The following DNM2 variants were observed in gnomAD, a reference collection of about 807,000 sequenced individuals.
DNM2 encodes dynamin-2.
A neutral mutation model predicts 99.0 loss-of-function variants in DNM2; 15 were observed. The observed-to-expected ratio is 0.15, with a 90% CI of 0.10 to 0.23. The LOEUF is 0.23. DNM2 is among the 10% of genes least tolerant of loss of function. DNM2 has a pLI of 1.00. For synonymous variants in DNM2, 525 were observed against 481.2 expected (o/e 1.09, Z -1.19); for missense variants, 742 against 1,189.4 (o/e 0.62, Z 5.53).
At chr19:10,786,810 A>G in intron 7 of DNM2, 104 bp downstream of exon 7, 1 of 1,565,642 alleles carries the variant, frequency 6.4e-7, no homozygotes, top group South Asian at 1.2e-5. Context: ...CCACTCATTG[A>G]TTCAGCAGAC....
In DNM2 at chr19:10,796,773, G is replaced by T. The variant is rs2071949530; in HGVS notation, c.1197-607G>T. On this transcript the variant is annotated intron_variant, in intron 9 of 20. Transcript: ENST00000389253. This position sits in a 1 kb window ranked among gnomAD's most constrained non-coding sequence, Gnocchi z 5.6. ...ATTTTTGGATCCACTTAGTCACAGT[G>T]CCTCTATGCGCTCTCGACGAGCCAC... is the stretch of plus-strand genomic sequence containing the variant. Among the ~76,000 whole-genome samples the T allele has an allele frequency of 6.6e-6, 1 of 152,106 alleles. No homozygotes were observed. Among genetic ancestry groups the T allele is most frequent in the African/African-American group, 2.4e-5 (1 of 41,416 alleles).
chr19:10,781,128 TGTA>T (rs1361093719), intron 5 of DNM2, among the ~76,000 whole-genome samples: 1 of 151,950 alleles, frequency 6.6e-6, no homozygotes, highest in African/African-American at 2.4e-5. Context: ...AGTTCAAAGC[TGTA>T]GTAAGCTATG....
Position 10,831,663 on chromosome 19 carries a change from C to T in DNM2, c.*616C>T. 1.0e-6 allele frequency: 1 copy of T among 986,326 alleles called. No individual in the cohort carries two copies. The highest frequency in any genetic ancestry group is 1.2e-6 in the Non-Finnish European group (1 of 830,334). 61.1% of individuals were successfully genotyped at this position (986,326 alleles called of 1,614,324 possible). Reference sequence around the variant, plus strand: ...GCCGTTGGCCCGGGCCGGCCTTGCCCTATTCCTCTCCTCCTCCTCCTCCTG... The same window carrying T: ...GCCGTTGGCCCGGGCCGGCCTTGCCTTATTCCTCTCCTCCTCCTCCTCCTG... On this transcript the variant is annotated 3_prime_UTR_variant, in exon 21 of 21. Coordinates refer to ENST00000389253, the MANE Select transcript of DNM2 (RefSeq NM_001005361.3). The surrounding 1 kb of genome is among the most constrained non-coding windows in gnomAD (Gnocchi z 4.3).
intron 7 of DNM2, among the ~76,000 whole-genome samples, chr19:10,789,700 G>C (rs945308922): frequency 6.6e-6 from 1 of 152,056 alleles, no homozygotes; most frequent in African/African-American, 2.4e-5. Flanking sequence ...CAGGTGTGGT[G>C]GTGGGCACCT....
intron 2 of DNM2, chr19:10,763,625 C>G (rs1228119212): frequency 6.6e-6 from 1 of 152,534 alleles, no homozygotes; most frequent in African/African-American, 2.4e-5. Flanking sequence ...CTGTGAGTGT[C>G]TGTTGGATTC....
intron 2 of DNM2, among the ~76,000 whole-genome samples, chr19:10,769,639 G>T (rs910337981): frequency 6.6e-6 from 1 of 152,120 alleles, no homozygotes; most frequent in Admixed American, 6.6e-5. Flanking sequence ...GGGGTTGGGA[G>T]CTGTTCCATT....
intron 2 of DNM2, among the ~76,000 whole-genome samples, chr19:10,770,989 C>CA (rs1284481951): frequency 1.3e-5 from 2 of 152,166 alleles, no homozygotes; most frequent in Non-Finnish European, 2.9e-5. Flanking sequence ...GACGGGGTCT[C>CA]ACTGTGTCAC....
chr19:10,797,118 C>CTA (rs2071963066), intron 9 of DNM2, among the ~76,000 whole-genome samples: 1 of 152,056 alleles, frequency 6.6e-6, no homozygotes, highest in South Asian at 2.1e-4. Flanking sequence ...GAGGACTCCG[C>CTA]ACACCTTGGC....
chr19:10,720,092 G>C (rs78435393), intron 1 of DNM2, among the ~76,000 whole-genome samples: 5 of 150,022 alleles, frequency 3.3e-5, no homozygotes, highest in African/African-American at 1.2e-4. Flanking sequence ...TGGGACGGGG[G>C]TGGGGGGTGT....
chr19:10,721,829 G>C (rs758260597), intron 1 of DNM2, among the ~76,000 whole-genome samples: 3 of 152,176 alleles, frequency 2.0e-5, no homozygotes, highest in Non-Finnish European at 4.4e-5. Context: ...TGTTTTACCT[G>C]CGTAGCTTTT....
At position 10,818,077 on chromosome 19, in the gene DNM2, T is replaced by C. The variant is rs1274349058; in HGVS notation, c.1672-1903T>C. 2.0e-5 allele frequency among the ~76,000 whole-genome samples: 3 copies of C among 147,862 alleles called. No homozygotes were observed. Among genetic ancestry groups the C allele is most frequent in the Non-Finnish European group, 3.0e-5 (2 of 67,008 alleles). On this transcript the variant is annotated intron_variant, in intron 15 of 20. Coordinates refer to ENST00000389253, the MANE Select transcript of DNM2 (RefSeq NM_001005361.3). This position sits in a 1 kb window ranked among gnomAD's most constrained non-coding sequence, Gnocchi z 4.3. ...TAGCCCCTTCTAAAGCCCCCAAAAC[T>C]CTTCCCCGAAAGGTGGGAGGGACCC...
At chr19:10,784,540 G>C (rs141157063) in intron 6 of DNM2, among the ~76,000 whole-genome samples, 135 of 152,248 alleles carry the variant, frequency 8.9e-4, no homozygotes, top group African/African-American at 3.1e-3. Context: ...CCTTCCACGT[G>C]GGGTGCTTCC....
At chr19:10,733,192 T>TG (rs1491293655) in intron 1 of DNM2, among the ~76,000 whole-genome samples, 126 of 10,602 alleles carry the variant, frequency 0.012, no homozygotes, top group African/African-American at 0.1. Flanking sequence ...GCTGGTGTGG[T>TG]TTTTTTTTTT....
intron 5 of DNM2, among the ~76,000 whole-genome samples, chr19:10,779,342 C>G (rs1285424359): frequency 6.6e-6 from 1 of 151,808 alleles, no homozygotes; most frequent in Non-Finnish European, 1.5e-5. Context: ...ACATCTGTAA[C>G]CTCTCCCACT....
chr19:10,719,946 T>C (rs1370336249), intron 1 of DNM2, among the ~76,000 whole-genome samples: 1 of 152,194 alleles, frequency 6.6e-6, no homozygotes, highest in African/African-American at 2.4e-5. Flanking sequence ...TTTTGCTACC[T>C]TGTCTCTAGC....
At chr19:10,770,642 G>GTT (rs2070943095) in intron 2 of DNM2, among the ~76,000 whole-genome samples, 1 of 152,222 alleles carries the variant, frequency 6.6e-6, no homozygotes, top group Non-Finnish European at 1.5e-5. Context: ...GGCTGGGGAA[G>GTT]CCCCACAATC....
At chr19:10,749,116 G>C (rs925101279) in intron 1 of DNM2, among the ~76,000 whole-genome samples, 1 of 152,184 alleles carries the variant, frequency 6.6e-6, no homozygotes, top group African/African-American at 2.4e-5. Flanking sequence ...GTGAGGGGTG[G>C]CTTGCCCTGG....
At chr19:10,751,162 A>G (rs773590437) in intron 1 of DNM2, among the ~76,000 whole-genome samples, 1 of 151,946 alleles carries the variant, frequency 6.6e-6, no homozygotes, top group Non-Finnish European at 1.5e-5. Flanking sequence ...GGGTGAGAGA[A>G]GTCTCTGAGG....
intron 16 of DNM2, chr19:10,823,449 G>T: frequency 5.2e-6 from 1 of 191,564 alleles, no homozygotes; most frequent in Admixed American, 5.6e-5. Context: ...AAGTTCTGGT[G>T]GACAGTGCTG....
Sources: gnomAD v4.1 joint callset for allele counts (sites outside exome capture counted in the v4.1 genomes callset) on GRCh38, gnomAD v4.1.1 for gene constraint, Gnocchi (gnomAD v3.1) non-coding constraint, MANE v1.5 for transcripts, NCBI Gene and HGNC (gene_info 2026-07-23, HGNC 2026-07-21) for gene names.